AFP: variants seen among roughly 807,000 people sequenced by gnomAD.
The protein encoded by AFP is alpha fetoprotein.
AFP carries 64 observed loss-of-function variants against 78.9 expected under a neutral mutation model. The ratio of observed to expected loss-of-function variants is 0.81; its 90% CI spans 0.66 to 1.00. The LOEUF is 1.00. Among genes scored for constraint, AFP ranks in the 50% least tolerant of loss-of-function variants. The pLI is 0.00. For missense variants in AFP, 689 were observed against 703.8 expected (o/e 0.98, Z 0.24); for synonymous variants, 254 against 243.8 (o/e 1.04, Z -0.39).
chr4:73,455,878 T>G lies in AFP; in HGVS notation c.*258T>G. ...ATTCTGTTAAAATAGCATTAAGTGTTGGTTATTATAGGAGATTAAAGCTAT... is the reference window on the plus strand; with the variant it reads ...ATTCTGTTAAAATAGCATTAAGTGTGGGTTATTATAGGAGATTAAAGCTAT... On this transcript the variant is annotated 3_prime_UTR_variant, in exon 15 of 15. Transcript: ENST00000395792. 1.8e-6 allele frequency: 1 copy of G among 545,350 alleles called. No homozygotes were observed. Among genetic ancestry groups the G allele is most frequent in the Non-Finnish European group, 3.2e-6 (1 of 310,722 alleles). The allele number at this position is 545,350 out of a possible 1,614,324, so 33.8% of individuals were successfully genotyped here.
intron 10 of AFP, 123 bp from the exon 11 acceptor site, chr4:73,450,492 A>G (rs1577958418): frequency 7.0e-7 from 1 of 1,428,066 alleles, no homozygotes; most frequent in South Asian, 1.2e-5. Context: ...TACCATGTAG[A>G]TGAAACAAAC....
Position 73,455,729 on chromosome 4 carries a change from C to G in AFP, c.*109C>G, listed in dbSNP as rs759148580. Reference sequence around the variant, plus strand: ...TTGTGAATTAATGAAATGATAAAGACTTTTATGTGAGATTTCCTTATCACA... The same window carrying G: ...TTGTGAATTAATGAAATGATAAAGAGTTTTATGTGAGATTTCCTTATCACA... On this transcript the variant is annotated 3_prime_UTR_variant, in exon 15 of 15. Transcript: ENST00000395792. The G allele has an allele frequency of 7.5e-6, 5 of 666,706 alleles. No individual in the cohort carries two copies. The highest frequency in any genetic ancestry group is 5.0e-5 in the South Asian group (3 of 60,170). 41.3% of individuals were successfully genotyped at this position (666,706 alleles called of 1,614,324 possible). A position where few individuals can be genotyped will look rare whatever the true frequency, so the allele number is the denominator to read the frequency against.
chr4:73,441,562 C>A (rs1426929910), intron 4 of AFP, among the ~76,000 whole-genome samples: 1 of 59,590 alleles, frequency 1.7e-5, no homozygotes, highest in African/African-American at 6.7e-5. Flanking sequence ...AGCGAGACTC[C>A]GTCTCAAAAA....
rs1437520522 is a variant in AFP, at chr4:73,443,403, T to G, written c.672T>G (p.Cys224Trp). 6.2e-7 allele frequency: 1 copy of G among 1,613,756 alleles called. No individual in the cohort carries two copies. The highest frequency in any genetic ancestry group is 1.1e-5 in the South Asian group (1 of 91,062). The change falls in exon 6 of 15, where the codon TGT becomes TGG. Residue 224 changes from cysteine to tryptophan, a missense_variant. By Grantham distance (215) the Cys-to-Trp change is radical (BLOSUM62 -2). Transcript: ENST00000395792. The stretch of plus-strand genomic sequence containing the variant: ...GCAGCTTGTTAAATCAACATGCATG[T>G]GCAGTAATGAAAAATTTTGGGACCC... The part of the protein sequence containing the change: ...RESSLLNQHA[C>W]AVMKNFGTRT...
chr4:73,443,348 C>T lies in AFP; in HGVS notation c.617C>T (p.Ala206Val), dbSNP rs906071087. ...ACATTTTGTTTCCTCTACATCTAGG[C>T]AGCAACAGTTACAAAAGAATTAAGA... Reference protein sequence around the residue: ...ENAVECFQTKAATVTKELRES... With the variant: ...ENAVECFQTKVATVTKELRES... Residue 206 changes from alanine (A) to valine (V), a missense_variant and splice_region_variant, in exon 6 of 15, where the codon GCA (alanine) becomes GTA (valine). By Grantham distance (64) the Ala-to-Val change is moderately conservative. Transcript: ENST00000395792. The T allele has an allele frequency of 3.1e-6, 5 of 1,610,182 alleles. No homozygotes were observed. The highest frequency in any genetic ancestry group is 2.7e-5 in the African/African-American group (2 of 74,912).
chr4:73,446,511 G>A (rs1336725669), intron 7 of AFP, among the ~76,000 whole-genome samples: 1 of 152,046 alleles, frequency 6.6e-6, no homozygotes, highest in Non-Finnish European at 1.5e-5. Flanking sequence ...GCCTCTCTCT[G>A]GCCACTTAGG....
At chr4:73,440,838 T>G (rs1719640181) in intron 4 of AFP, 25 bp downstream of exon 4, 1 of 1,601,076 alleles carries the variant, frequency 6.2e-7, no homozygotes, top group Non-Finnish European at 8.5e-7. Flanking sequence ...TAAAGGTAGA[T>G]GCAAACCTCA....
At chr4:73,454,885 C>T (rs1720112586) in intron 13 of AFP, among the ~76,000 whole-genome samples, 1 of 152,192 alleles carries the variant, frequency 6.6e-6, no homozygotes, top group East Asian at 1.9e-4. Flanking sequence ...TTAATGTTCT[C>T]TAATCTGAGA....
At chr4:73,453,160 T>C (rs903893460) in intron 12 of AFP, among the ~76,000 whole-genome samples, 2 of 152,220 alleles carry the variant, frequency 1.3e-5, no homozygotes, top group African/African-American at 4.8e-5. Flanking sequence ...CCCATGCATT[T>C]TAATCCTCAC....
chr4:73,454,935 G>A (rs1720113783), intron 13 of AFP, among the ~76,000 whole-genome samples: 1 of 152,128 alleles, frequency 6.6e-6, no homozygotes, highest in Non-Finnish European at 1.5e-5. Context: ...ACAAATAGTA[G>A]CAGTGCTTTA....
intron 5 of AFP, 129 bp downstream of exon 5, chr4:73,442,557 A>C (rs1421044957): frequency 1.0e-5 from 11 of 1,103,786 alleles, no homozygotes; most frequent in Non-Finnish European, 1.5e-5. Flanking sequence ...ATAGTTCAGC[A>C]GTCTGATATT....
intron 5 of AFP, 143 bp downstream of exon 5, chr4:73,442,571 C>T (rs1357037576): frequency 7.2e-6 from 7 of 969,870 alleles, no homozygotes; most frequent in Non-Finnish European, 1.1e-5. Flanking sequence ...TGATATTCTT[C>T]GAGTGAACAA....
chr4:73,443,502 A>G (rs1719733960), intron 6 of AFP, 58 bp downstream of exon 6: 5 of 1,385,248 alleles, frequency 3.6e-6, no homozygotes, highest in Non-Finnish European at 5.1e-6. Flanking sequence ...CCATTTTGCA[A>G]TTTGGGTTCG....
rs756571570 is a variant in AFP, at chr4:73,450,743, G to C, written c.1418G>C (p.Gly473Ala). ...AGTGAGGACAAACTATTGGCCTGTG[G>C]CGAGGGAGCGGTGAGTGTCTGCTTG... ...QLSEDKLLAC[G>A]EGAADIIIGH... Residue 473 changes from glycine (G) to alanine (A), a missense_variant, in exon 11 of 15, where the codon GGC (glycine) becomes GCC (alanine). Gly to Ala is a moderately conservative substitution (Grantham distance 60). Coordinates refer to ENST00000395792, the MANE Select transcript of AFP (RefSeq NM_001134.3). 1 of 1,614,112 alleles carries C rather than the reference G, an allele frequency of 6.2e-7. No individual in the cohort carries two copies. The highest frequency in any genetic ancestry group is 8.5e-7 in the Non-Finnish European group (1 of 1,180,002).
intron 3 of AFP, 28 bp from the exon 4 acceptor site, chr4:73,440,574 T>C (rs954699069): frequency 1.3e-6 from 2 of 1,579,772 alleles, no homozygotes; most frequent in African/African-American, 2.7e-5. Context: ...TTAGTTGTCT[T>C]TCTCCAAACA....
At position 73,455,913 on chromosome 4, in the gene AFP, G is replaced by C; in HGVS notation, c.*293G>C. 2.3e-6 allele frequency: 1 copy of C among 442,996 alleles called. No homozygotes were observed. The highest frequency in any genetic ancestry group is 4.0e-6 in the Non-Finnish European group (1 of 250,768). 27.4% of individuals were successfully genotyped at this position (442,996 alleles called of 1,614,324 possible). A position where few individuals can be genotyped will look rare whatever the true frequency, so the allele number is the denominator to read the frequency against. Reference sequence around the variant, plus strand: ...AGGAGATTAAAGCTATCCAAGGATGGATTTACAGCACTAGATCACTTGGTG... The same window carrying C: ...AGGAGATTAAAGCTATCCAAGGATGCATTTACAGCACTAGATCACTTGGTG... On this transcript the variant is annotated 3_prime_UTR_variant, in exon 15 of 15. Coordinates refer to ENST00000395792, the MANE Select transcript of AFP (RefSeq NM_001134.3).
chr4:73,440,670 C>T lies in AFP; in HGVS notation c.339C>T (p.Cys113=). 6.2e-7 allele frequency: 1 copy of T among 1,614,172 alleles called. No homozygotes were observed. Among genetic ancestry groups the T allele is most frequent in the Non-Finnish European group, 8.5e-7 (1 of 1,180,012 alleles). ...EILEKYGHSD[C]CSQSEEGRHN... The stretch of plus-strand genomic sequence containing the variant: ...TGGAGAAGTACGGACATTCAGACTG[C>T]TGCAGCCAAAGTGAAGAGGGAAGAC... Residue 113 remains cysteine, a synonymous_variant, in exon 4 of 15, where the codon TGC becomes TGT. Coordinates refer to ENST00000395792, the MANE Select transcript of AFP (RefSeq NM_001134.3).
Position 73,452,491 on chromosome 4 carries a change from A to T in AFP, c.1519A>T (p.Asn507Tyr), listed in dbSNP as rs1306274042. 1 of 1,614,136 alleles carries T rather than the reference A, an allele frequency of 6.2e-7. No individual in the cohort carries two copies. The highest frequency in any genetic ancestry group is 1.1e-5 in the South Asian group (1 of 91,076). ...VGQCCTSSYA[N>Y]RRPCFSSLVV... is the part of the protein sequence containing the mutation. ...CCAGTGCTGCACTTCTTCATATGCC[A>T]ACAGGAGGCCATGCTTCAGCAGCTT... The change falls in exon 12 of 15, where the codon AAC becomes TAC. Residue 507 changes from asparagine to tyrosine, a missense_variant. Transcript: ENST00000395792.
intron 7 of AFP, 78 bp downstream of exon 7, chr4:73,445,200 G>T (rs79284391): frequency 4.5e-6 from 7 of 1,564,732 alleles, no homozygotes; most frequent in African/African-American, 1.4e-5. Flanking sequence ...AAGGGAGAAG[G>T]TTGTTTGACT....
Sources: gnomAD v4.1 joint callset for allele counts (sites outside exome capture counted in the v4.1 genomes callset) on GRCh38, gnomAD v4.1.1 for gene constraint, MANE v1.5 for transcripts, NCBI Gene and HGNC (gene_info 2026-07-23, HGNC 2026-07-21) for gene names.